Variants in ABCC8 observed in about 807,000 individuals in gnomAD.
The protein encoded by ABCC8 is ATP binding cassette subfamily C member 8, also known as ATP-binding cassette sub-family C member 8.
A neutral mutation model predicts 188.0 loss-of-function variants in ABCC8; 137 were observed. The ratio of observed to expected loss-of-function variants is 0.73; its 90% confidence interval spans 0.63 to 0.84. The LOEUF (loss-of-function observed/expected upper bound fraction) is 0.84. Ranked by LOEUF, ABCC8 falls within the 40% of genes least tolerant of loss-of-function variation. The probability of loss-of-function intolerance (pLI) is 0.00; values close to 1 mark genes in which losing one functional copy is unlikely to be tolerated. For missense variants in ABCC8, 1,750 were observed against 2,072.7 expected, an observed-to-expected ratio of 0.84 and a Z score of 3.02; for synonymous variants, 797 against 846.5, an observed-to-expected ratio of 0.94 and a Z score of 1.01.
chr11:17,469,184 T>A (rs1260325668), intron 3 of ABCC8, among the ~76,000 whole-genome samples: 1 of 151,686 alleles, frequency 6.6e-6, no homozygotes, highest in Non-Finnish European at 1.5e-5. Context: ...CTCCACCTCC[T>A]GGGTTCAAGA....
chr11:17,434,984 C>CGCGTGT (rs71457876), intron 10 of ABCC8, among the ~76,000 whole-genome samples: 1,855 of 144,704 alleles, frequency 0.013, 24 homozygotes, highest in East Asian at 0.05. Flanking sequence ...CGTGTGTTCG[C>CGCGTGT]GTGTGTGTGT....
chr11:17,442,574 AG>A, intron 10 of ABCC8, 145 bp downstream of exon 10: 1 of 800,780 alleles, frequency 1.2e-6, no homozygotes, highest in East Asian at 2.5e-5. Context: ...CTTAGCTATC[AG>A]AGCCAGTTTG....
Position 17,404,472 on chromosome 11 carries a change from T to C in ABCC8, c.3557+40A>G, listed in dbSNP as rs779941814. Reference sequence around the variant, plus strand: ...TCTAGCAAGTACACCAAACTGCACATTGCAAAGCACCTCCCACCCCTCACC... The same window carrying C: ...TCTAGCAAGTACACCAAACTGCACACTGCAAAGCACCTCCCACCCCTCACC... On this transcript the variant is annotated intron_variant, in intron 28 of 38. Coordinates refer to ENST00000389817, the MANE Select transcript of ABCC8 (RefSeq NM_000352.6). This position sits in a 1 kb window ranked among gnomAD's most constrained non-coding sequence, Gnocchi z 4.7. 3.2e-6 allele frequency: 5 copies of C among 1,581,720 alleles called. No homozygotes were observed. The African/African-American group carries it at 6.8e-5, about 21-fold the overall frequency.
intron 26 of ABCC8, 84 bp from the exon 27 acceptor site, chr11:17,405,647 G>A: frequency 6.8e-6 from 11 of 1,607,112 alleles, no homozygotes; most frequent in Non-Finnish European, 9.4e-6. Flanking sequence ...ATTATTTCAT[G>A]TAAGTGTCTC....
chr11:17,457,661 AGCTTTCCCTGG>A (rs1957043818), intron 6 of ABCC8, among the ~76,000 whole-genome samples: 2 of 152,200 alleles, frequency 1.3e-5, no homozygotes, highest in Admixed American at 1.3e-4. Context: ...CCTGGGTCCC[AGCTTTCCCTGG>A]GGAGTGGCAG....
chr11:17,407,649 A>G (rs1284387774), intron 23 of ABCC8, 196 bp from the exon 24 acceptor site: 2 of 558,828 alleles, frequency 3.6e-6, no homozygotes, highest in Non-Finnish European at 4.5e-6. Context: ...TAGCACCCCC[A>G]TATCCCTGTG....
At chr11:17,415,479 TAG>T in intron 17 of ABCC8, 140 bp from the exon 18 acceptor site, 1 of 1,525,350 alleles carries the variant, frequency 6.6e-7, no homozygotes, top group East Asian at 2.5e-5. Flanking sequence ...AAATGCTGCA[TAG>T]AGAGGTGTGG....
intron 2 of ABCC8, among the ~76,000 whole-genome samples, chr11:17,471,745 A>T (rs947215267): frequency 6.6e-6 from 1 of 152,106 alleles, no homozygotes; most frequent in Non-Finnish European, 1.5e-5. Flanking sequence ...AGATAGGCTG[A>T]CACACACACA....
intron 28 of ABCC8, among the ~76,000 whole-genome samples, chr11:17,403,775 C>T (rs1200264167): frequency 6.6e-6 from 1 of 152,158 alleles, no homozygotes; most frequent in Admixed American, 6.5e-5. Flanking sequence ...TCTATGAATA[C>T]AGTCTGATGT....
chr11:17,463,395 G>C (rs762799630), intron 4 of ABCC8, 43 bp downstream of exon 4: 2 of 1,516,184 alleles, frequency 1.3e-6, no homozygotes, highest in Non-Finnish European at 1.8e-6. Context: ...AGAGGCCAGA[G>C]CCTCTGCTTC....
chr11:17,461,810 TGAA>T lies in ABCC8; in HGVS notation c.592_594del (p.Phe198del), dbSNP rs772409200. 14 of 1,614,046 alleles carry T rather than the reference TGAA, an allele frequency of 8.7e-6. No individual in the cohort carries two copies. Among genetic ancestry groups the T allele is most frequent in the Admixed American group, 1.7e-5 (1 of 60,024 alleles). The stretch of plus-strand genomic sequence containing the variant: ...GGAGGCTTCACCTCCCTCGGTGTCT[TGAA>T]GAAGATGTATCTCTGTGGGGCACAT... On this transcript the variant is annotated inframe_deletion, in exon 5 of 39. Transcript: ENST00000389817.
chr11:17,474,717 C>T (rs1431700299), intron 2 of ABCC8, among the ~76,000 whole-genome samples, 169 bp downstream of exon 2: 11 of 152,124 alleles, frequency 7.2e-5, no homozygotes, highest in Admixed American at 3.9e-4. Flanking sequence ...GACTCACTTG[C>T]GTCCAGTGCC....
intron 16 of ABCC8, among the ~76,000 whole-genome samples, chr11:17,420,783 T>C (rs776755678): frequency 1.3e-5 from 2 of 152,216 alleles, no homozygotes; most frequent in Non-Finnish European, 2.9e-5. Context: ...CACTCTACTG[T>C]GGATATTAAT....
chr11:17,466,660 A>AGGCTGGAGTGCAGTGGCACAATCTT (rs71047554), intron 3 of ABCC8, among the ~76,000 whole-genome samples: 46,159 of 144,188 alleles, frequency 0.32, 8,142 homozygotes, highest in Middle Eastern at 0.44. Flanking sequence ...TCTGTTGTCC[A>AGGCTGGAGTGCAGTGGCACAATCTT]GGCTGGAGTG....
chr11:17,408,347 T>G, intron 23 of ABCC8, 45 bp downstream of exon 23: 1 of 1,572,314 alleles, frequency 6.4e-7, no homozygotes, highest in Non-Finnish European at 8.7e-7. Flanking sequence ...TAGCAGAACC[T>G]TTGCATCCAG....
intron 6 of ABCC8, among the ~76,000 whole-genome samples, chr11:17,453,941 A>T (rs565893014): frequency 2.0e-5 from 3 of 152,118 alleles, no homozygotes; most frequent in Non-Finnish European, 2.9e-5. Context: ...AAACATTTTA[A>T]CTTTGTTGCT....
chr11:17,452,533 G>A (rs970818337), intron 7 of ABCC8, among the ~76,000 whole-genome samples: 3 of 152,136 alleles, frequency 2.0e-5, no homozygotes, highest in Admixed American at 6.5e-5. Context: ...AATAGGGTTC[G>A]CACTCCTATG....
chr11:17,408,591 G>A, intron 22 of ABCC8, 74 bp from the exon 23 acceptor site: 1 of 1,550,308 alleles, frequency 6.5e-7, no homozygotes. Context: ...CAATTGTGGA[G>A]TCTAAGATGG....
intron 10 of ABCC8, among the ~76,000 whole-genome samples, chr11:17,442,365 T>C (rs1046002576): frequency 3.9e-5 from 6 of 152,220 alleles, no homozygotes; most frequent in African/African-American, 1.4e-4. Flanking sequence ...AAAGTCTTCA[T>C]TCTTAGGAGA....
Sources: allele counts gnomAD v4.1 joint callset (sites outside exome capture counted in the v4.1 genomes callset), GRCh38; gene constraint gnomAD v4.1.1; non-coding constraint Gnocchi (gnomAD v3.1); transcripts MANE v1.5; gene names NCBI Gene and HGNC (gene_info 2026-07-23, HGNC 2026-07-21).